Variants in PIK3R5 observed in about 807,000 individuals in gnomAD.
The protein encoded by PIK3R5 is phosphoinositide 3-kinase regulatory subunit 5.
Under a neutral mutation model 94.9 loss-of-function variants are expected in PIK3R5, and 32 were observed. The ratio of observed to expected loss-of-function variants is 0.34; its 90% CI spans 0.25 to 0.45. The LOEUF (loss-of-function observed/expected upper bound fraction) is 0.45, where lower values mean the gene tolerates loss of function less well. PIK3R5 is among the 20% of genes least tolerant of loss of function. The pLI is 1.00. For synonymous variants in PIK3R5, 443 were observed against 479.4 expected (o/e 0.92, Z 0.99); for missense variants, 853 against 1,144.6 (o/e 0.75, Z 3.68).
In PIK3R5 at chr17:8,888,936, G is replaced by A. The variant is rs751675932; in HGVS notation, c.896-45C>T. On this transcript the variant is annotated intron_variant, in intron 9 of 18. Transcript: ENST00000447110. The surrounding 1 kb of genome is among the most constrained non-coding windows in gnomAD (Gnocchi z 7.8). Reference sequence around the variant, plus strand: ...GCACTGTCTGGGCGTCTGGGCCCCGGATCCCCTTCTATATTCCCTTTGGAG... The same window carrying A: ...GCACTGTCTGGGCGTCTGGGCCCCGAATCCCCTTCTATATTCCCTTTGGAG... 4 of 1,559,144 alleles carry A rather than the reference G, an allele frequency of 2.6e-6. No individual in the cohort carries two copies. Among genetic ancestry groups the A allele is most frequent in the Non-Finnish European group, 2.6e-6 (3 of 1,157,110 alleles).
intron 1 of PIK3R5, among the ~76,000 whole-genome samples, chr17:8,924,227 TGTCAC>T (rs1317128197): frequency 6.8e-6 from 1 of 147,548 alleles, no homozygotes; most frequent in African/African-American, 2.5e-5. Flanking sequence ...TACAGGCACA[TGTCAC>T]AATGCCTGGC....
At chr17:8,930,092 C>T (rs1436403414) in intron 1 of PIK3R5, among the ~76,000 whole-genome samples, 2 of 152,044 alleles carry the variant, frequency 1.3e-5, no homozygotes, top group Non-Finnish European at 2.9e-5. Context: ...TCAACAGGAT[C>T]TAATAAACAT....
chr17:8,897,944 G>GC (rs1439205868), intron 5 of PIK3R5, among the ~76,000 whole-genome samples: 2 of 145,752 alleles, frequency 1.4e-5, no homozygotes, highest in Non-Finnish European at 3.1e-5. Context: ...TGTGTGTGTG[G>GC]TGTGTGTGTC....
chr17:8,939,303 C>T (rs1004524247), intron 1 of PIK3R5, among the ~76,000 whole-genome samples: 2 of 152,174 alleles, frequency 1.3e-5, no homozygotes, highest in African/African-American at 4.8e-5. Flanking sequence ...AATTCCTAAA[C>T]TTTTTTGCAC....
chr17:8,888,128 C>A lies in PIK3R5; in HGVS notation c.1616+43G>T. 6.2e-7 allele frequency: 1 copy of A among 1,603,222 alleles called. No individual in the cohort carries two copies. The highest frequency in any genetic ancestry group is 1.1e-5 in the South Asian group (1 of 90,656). The stretch of plus-strand genomic sequence containing the variant: ...CCCAGATTCCACCAGCACAACAACC[C>A]TGTTACCCAGGGCAGAGGGATGCTC... On this transcript the variant is annotated intron_variant, in intron 10 of 18. Coordinates refer to ENST00000447110, the MANE Select transcript of PIK3R5 (RefSeq NM_001142633.3). The surrounding 1 kb of genome is among the most constrained non-coding windows in gnomAD (Gnocchi z 7.8).
At chr17:8,895,722 G>A (rs1357108795) in intron 5 of PIK3R5, among the ~76,000 whole-genome samples, 2 of 152,130 alleles carry the variant, frequency 1.3e-5, no homozygotes, top group Non-Finnish European at 2.9e-5. Flanking sequence ...AAGCTGCTTC[G>A]TATGAGCTAC....
chr17:8,929,311 A>G (rs150395232), intron 1 of PIK3R5, among the ~76,000 whole-genome samples: 1 of 152,276 alleles, frequency 6.6e-6, no homozygotes, highest in East Asian at 1.9e-4. Flanking sequence ...TCTACAAGAA[A>G]CTCACTTTAT....
In PIK3R5 at chr17:8,911,841, T is replaced by G. The variant is rs142264401; in HGVS notation, c.-13-334A>C. On this transcript the variant is annotated intron_variant, in intron 1 of 18. Transcript: ENST00000447110. The surrounding 1 kb of genome is among the most constrained non-coding windows in gnomAD (Gnocchi z 5.3). ...TACCCAGGGAGTGGTCAGACCCCAG[T>G]GGGCTGGGCAGGAAGATCCTGAGGG... 3.2e-4 allele frequency: 61 copies of G among 188,788 alleles called. No individual in the cohort carries two copies. Among genetic ancestry groups the G allele is most frequent in the Middle Eastern group, 4.0e-3 (2 of 500 alleles). The allele number at this position is 188,788 out of a possible 1,614,324, so 11.7% of individuals were successfully genotyped here.
intron 1 of PIK3R5, chr17:8,916,322 G>C (rs566111751): frequency 2.5e-4 from 38 of 152,366 alleles, no homozygotes; most frequent in African/African-American, 8.7e-4. Flanking sequence ...AGGTGAGGGG[G>C]GAAGACAGTG....
intron 1 of PIK3R5, among the ~76,000 whole-genome samples, chr17:8,937,407 A>T (rs1038558971): frequency 6.6e-6 from 1 of 152,208 alleles, no homozygotes; most frequent in African/African-American, 2.4e-5. Flanking sequence ...AAGCTGAAGA[A>T]GTTCCTCTCT....
At chr17:8,933,651 A>G (rs2091023595) in intron 1 of PIK3R5, among the ~76,000 whole-genome samples, 1 of 152,178 alleles carries the variant, frequency 6.6e-6, no homozygotes, top group African/African-American at 2.4e-5. Flanking sequence ...AGATGCAAAA[A>G]TTCTTATCAA....
At chr17:8,940,446 C>T (rs770399786) in intron 1 of PIK3R5, among the ~76,000 whole-genome samples, 10 of 152,238 alleles carry the variant, frequency 6.6e-5, no homozygotes, top group South Asian at 2.1e-4. Context: ...GGAAAACTCA[C>T]GAAGGGACGC....
At chr17:8,902,914 G>A (rs920106210) in intron 5 of PIK3R5, among the ~76,000 whole-genome samples, 5 of 147,876 alleles carry the variant, frequency 3.4e-5, no homozygotes, top group Admixed American at 6.7e-5. Flanking sequence ...GTGTGATCTC[G>A]GAGGCACTTG....
chr17:8,888,372 C>A lies in PIK3R5; in HGVS notation c.1415G>T (p.Arg472Leu). ...GGGCAGGGAGCGGGAGCGCTGGGCC[C>A]GGGAAGGGGGTGATACTGGTTCGTC... Reference protein sequence around the residue: ...PLDEPVSPPSRAQRSRSLPQP... With the variant: ...PLDEPVSPPSLAQRSRSLPQP... Residue 472 changes from arginine (R) to leucine (L), a missense_variant, in exon 10 of 19, where the codon CGG becomes CTG. This residue lies in a region of PIK3R5 where 319 missense variants were observed against 339.8 expected (regional missense o/e 0.94). Transcript: ENST00000447110. This position sits in a 1 kb window ranked among gnomAD's most constrained non-coding sequence, Gnocchi z 7.8. 2 of 1,607,100 alleles carry A rather than the reference C, an allele frequency of 1.2e-6. No individual in the cohort carries two copies. The highest frequency in any genetic ancestry group is 1.7e-6 in the Non-Finnish European group (2 of 1,178,390).
In PIK3R5 at chr17:8,886,512, C is replaced by T. The variant is rs760089347; in HGVS notation, c.1999G>A (p.Ala667Thr). The T allele has an allele frequency of 4.3e-6, 7 of 1,610,912 alleles. No individual in the cohort carries two copies. The highest frequency in any genetic ancestry group is 2.2e-5 in the South Asian group (2 of 90,538). ...TAGACTTGCAGCAGCACCGGTCTGGCGGCAAAGCGGCAGTAGTAGAGTAGC... is the reference window on the plus strand; with the variant it reads ...TAGACTTGCAGCAGCACCGGTCTGGTGGCAAAGCGGCAGTAGTAGAGTAGC... ...DMLLYYCRFA[A>T]RPVLLQVYQT... is the part of the protein sequence containing the mutation. The change falls in exon 13 of 19, where the codon GCC (alanine) becomes ACC (threonine). Residue 667 changes from alanine to threonine, a missense_variant. This residue lies in a region of PIK3R5 where 173 missense variants were observed against 274.1 expected (regional missense o/e 0.63). Transcript: ENST00000447110.
In PIK3R5 at chr17:8,963,479, A is replaced by C. The variant is rs1273630315; in HGVS notation, c.-14+2117T>G. Reference sequence around the variant, plus strand: ...AACATCAACCCCAAATGCTCTTGTCACCCAGTGCCACCAGTTAGCATCCAA... The same window carrying C: ...AACATCAACCCCAAATGCTCTTGTCCCCCAGTGCCACCAGTTAGCATCCAA... On this transcript the variant is annotated intron_variant, in intron 1 of 18. Transcript: ENST00000447110. 5.4e-5 allele frequency among the ~76,000 whole-genome samples: 8 copies of C among 148,998 alleles called. No individual in the cohort carries two copies. The East Asian group carries it at 1.6e-3, about 29-fold the overall frequency.
intron 1 of PIK3R5, among the ~76,000 whole-genome samples, chr17:8,932,823 T>A (rs984097589): frequency 6.6e-6 from 1 of 152,140 alleles, no homozygotes; most frequent in Non-Finnish European, 1.5e-5. Flanking sequence ...GAAAAAAATA[T>A]TTTAAGAAAT....
At chr17:8,952,963 C>G (rs1408520902) in intron 1 of PIK3R5, among the ~76,000 whole-genome samples, 1 of 152,110 alleles carries the variant, frequency 6.6e-6, no homozygotes, top group East Asian at 1.9e-4. Context: ...TGGACAGGAG[C>G]CTTGATGGGA....
At chr17:8,902,851 T>A (rs942468829) in intron 5 of PIK3R5, among the ~76,000 whole-genome samples, 4 of 151,478 alleles carry the variant, frequency 2.6e-5, no homozygotes. Flanking sequence ...ATAGAATTTT[T>A]TTTTTTTTTT....
Sources: gnomAD v4.1 joint callset for allele counts (sites outside exome capture counted in the v4.1 genomes callset) on GRCh38, gnomAD v4.1.1 for gene constraint, gnomAD v4.1.1 regional missense constraint, Gnocchi (gnomAD v3.1) non-coding constraint, MANE v1.5 for transcripts, NCBI Gene and HGNC (gene_info 2026-07-23, HGNC 2026-07-21) for gene names.